CCDC178: variants seen among roughly 807,000 people sequenced by gnomAD.
CCDC178 encodes coiled-coil domain-containing protein 178.
A neutral mutation model predicts 117.4 loss-of-function variants in CCDC178; 126 were observed. That is an observed-to-expected ratio of 1.07 (90% CI 0.93 to 1.24). CCDC178 has a LOEUF of 1.24. Ranked by LOEUF, CCDC178 falls within the 50% of genes most tolerant of loss-of-function variation. The pLI, the probability that CCDC178 is intolerant of heterozygous loss-of-function variation, is 0.00. For synonymous variants in CCDC178, 283 were observed against 313.4 expected, an observed-to-expected ratio of 0.90 and a Z score of 1.02; for missense variants, 1,030 against 986.9, an observed-to-expected ratio of 1.04 and a Z score of -0.59.
At chr18:33,374,765 T>C (rs2063343180) in intron 5 of CCDC178, among the ~76,000 whole-genome samples, 1 of 152,174 alleles carries the variant, frequency 6.6e-6, no homozygotes, top group Non-Finnish European at 1.5e-5. Flanking sequence ...TGCAATATTA[T>C]ACAAGGGAAT....
intron 20 of CCDC178, among the ~76,000 whole-genome samples, chr18:33,144,103 T>C (rs2058242716): frequency 6.6e-6 from 1 of 152,118 alleles, no homozygotes; most frequent in African/African-American, 2.4e-5. Flanking sequence ...TATACTATAT[T>C]GAAGGCAGAG....
At chr18:33,134,148 A>C (rs1202581386) in intron 20 of CCDC178, among the ~76,000 whole-genome samples, 1 of 152,026 alleles carries the variant, frequency 6.6e-6, no homozygotes, top group East Asian at 1.9e-4. Flanking sequence ...GAATTATATA[A>C]TAATTTTAGG....
chr18:33,071,984 T>C (rs1462266072), intron 21 of CCDC178, among the ~76,000 whole-genome samples: 1 of 152,104 alleles, frequency 6.6e-6, no homozygotes, highest in East Asian at 1.9e-4. Context: ...ATAATATTAA[T>C]CAACAATGTG....
chr18:33,033,531 C>T (rs754969729), intron 21 of CCDC178, among the ~76,000 whole-genome samples: 2 of 152,004 alleles, frequency 1.3e-5, no homozygotes, highest in African/African-American at 4.8e-5. Context: ...ATTATTCATT[C>T]TTTCTACCCT....
intron 21 of CCDC178, among the ~76,000 whole-genome samples, chr18:32,988,351 G>A (rs1184435471): frequency 6.6e-6 from 1 of 151,760 alleles, no homozygotes; most frequent in African/African-American, 2.4e-5. Flanking sequence ...CAGGAGAATC[G>A]CTTGAACCCA....
At chr18:32,953,491 A>T (rs879577824) in intron 22 of CCDC178, among the ~76,000 whole-genome samples, 3 of 152,190 alleles carry the variant, frequency 2.0e-5, no homozygotes, top group Non-Finnish European at 2.9e-5. Flanking sequence ...TTCCAAAGTC[A>T]ATTGCAAATA....
chr18:33,143,608 A>C (rs931152227), intron 20 of CCDC178, among the ~76,000 whole-genome samples: 9 of 152,116 alleles, frequency 5.9e-5, no homozygotes, highest in African/African-American at 2.2e-4. Context: ...CCCTAATATT[A>C]TTATATAGAG....
At chr18:33,079,429 G>A (rs1247579452) in intron 21 of CCDC178, among the ~76,000 whole-genome samples, 2 of 152,116 alleles carry the variant, frequency 1.3e-5, no homozygotes, top group African/African-American at 4.8e-5. Flanking sequence ...TGACAAATGG[G>A]ATCTAATTAA....
At chr18:32,941,576 C>G (rs1397917363) in intron 22 of CCDC178, among the ~76,000 whole-genome samples, 1 of 151,996 alleles carries the variant, frequency 6.6e-6, no homozygotes, top group Non-Finnish European at 1.5e-5. Flanking sequence ...TTAAATGAAG[C>G]AATTAAGTTA....
chr18:32,980,570 C>CAAAAA lies in CCDC178; in HGVS notation c.2389-5894_2389-5890dup, dbSNP rs57402084. Among the ~76,000 whole-genome samples, 113 of 76,322 alleles carry CAAAAA rather than the reference C, an allele frequency of 1.5e-3. 2 individuals are homozygous for CAAAAA. Among genetic ancestry groups the CAAAAA allele is most frequent in the African/African-American group, 6.4e-3 (107 of 16,816 alleles). 50.1% of individuals were successfully genotyped at this position (76,322 alleles called of 152,430 possible). ...TGGGCGACAGAACGAGACTCCGTCTCAAAAAAAAAAAAAAAAAAAAAAAGC... is the reference window on the plus strand; with the variant it reads ...TGGGCGACAGAACGAGACTCCGTCTCAAAAAAAAAAAAAAAAAAAAAAAAAAAAGC... On this transcript the variant is annotated intron_variant, in intron 21 of 22. Coordinates refer to ENST00000383096, the MANE Select transcript of CCDC178 (RefSeq NM_001105528.4).
At chr18:33,037,840 A>G (rs2056473730) in intron 21 of CCDC178, among the ~76,000 whole-genome samples, 1 of 151,992 alleles carries the variant, frequency 6.6e-6, no homozygotes, top group South Asian at 2.1e-4. Flanking sequence ...ATTTTTAAAG[A>G]TGCAGGATCA....
At chr18:33,318,697 T>C (rs2062456262) in intron 11 of CCDC178, among the ~76,000 whole-genome samples, 1 of 151,806 alleles carries the variant, frequency 6.6e-6, no homozygotes. Context: ...CTGGAATAAA[T>C]AAAAATTAAC....
intron 21 of CCDC178, among the ~76,000 whole-genome samples, chr18:32,995,574 C>T (rs573635955): frequency 6.6e-6 from 1 of 151,972 alleles, no homozygotes; most frequent in Non-Finnish European, 1.5e-5. Context: ...GGCTAAGCTG[C>T]CTCTATTTCT....
chr18:33,311,703 A>G (rs907383902), intron 11 of CCDC178, among the ~76,000 whole-genome samples: 12 of 152,232 alleles, frequency 7.9e-5, no homozygotes, highest in African/African-American at 1.2e-4. Flanking sequence ...TCACACAGAA[A>G]GATGGTCCAA....
chr18:33,052,754 C>T (rs1360617559), intron 21 of CCDC178, among the ~76,000 whole-genome samples: 1 of 152,040 alleles, frequency 6.6e-6, no homozygotes, highest in African/African-American at 2.4e-5. Flanking sequence ...TCCTCATAAG[C>T]CCTTTATTTT....
At chr18:33,165,509 C>T (rs1022130347) in intron 20 of CCDC178, among the ~76,000 whole-genome samples, 2 of 152,050 alleles carry the variant, frequency 1.3e-5, no homozygotes, top group East Asian at 1.9e-4. Context: ...AACCAATCCC[C>T]CTTGGACACT....
At chr18:33,323,418 G>T in intron 11 of CCDC178, 73 bp downstream of exon 11, 1 of 975,884 alleles carries the variant, frequency 1.0e-6, no homozygotes, top group African/African-American at 1.7e-5. Context: ...TTTCTATATA[G>T]AAATATACAT....
intron 2 of CCDC178, among the ~76,000 whole-genome samples, chr18:33,434,713 G>A (rs2064265956): frequency 6.6e-6 from 1 of 152,094 alleles, no homozygotes; most frequent in Non-Finnish European, 1.5e-5. Context: ...AAAGAAACAA[G>A]CAAAAGTTCA....
At chr18:33,137,949 G>A (rs967511488) in intron 20 of CCDC178, among the ~76,000 whole-genome samples, 4 of 152,260 alleles carry the variant, frequency 2.6e-5, no homozygotes, top group Admixed American at 1.3e-4. Context: ...TGGACAAGGC[G>A]AACATTTAGG....
Sources: allele counts gnomAD v4.1 joint callset (sites outside exome capture counted in the v4.1 genomes callset), GRCh38; gene constraint gnomAD v4.1.1; transcripts MANE v1.5; gene names NCBI Gene and HGNC (gene_info 2026-07-23, HGNC 2026-07-21).